MEI4: variants seen among roughly 807,000 people sequenced by gnomAD.
MEI4 encodes meiotic double-stranded break formation protein 4.
A neutral mutation model predicts 31.4 loss-of-function variants in MEI4; 27 were observed. The ratio of observed to expected loss-of-function variants is 0.86; its 90% confidence interval spans 0.63 to 1.19. The LOEUF is 1.19. MEI4 is among the 50% of genes most tolerant of loss of function. MEI4 has a pLI of 0.00. For missense variants in MEI4, 329 were observed against 398.9 expected (o/e 0.82, Z 1.49); for synonymous variants, 122 against 145.4 (o/e 0.84, Z 1.16).
Position 77,678,554 on chromosome 6 carries a change from A to ACAATGTTATAGCCCAGCACACTGCGTAC in MEI4, c.-14-12104_-14-12103insCAATGTTATAGCCCAGCACACTGCGTAC, listed in dbSNP as rs58196034. On this transcript the variant is annotated intron_variant, in intron 1 of 4. Coordinates refer to ENST00000684080, the MANE Select transcript of MEI4 (RefSeq NM_001322247.2). ...GTCTCCTGGTAACTTAGGAGCCATC[A>ACAATGTTATAGCCCAGCACACTGCGTAC]ATGTTTGTGGTGATGCTGGTGTAAA... Among the ~76,000 whole-genome samples, 3 of 152,052 alleles carry ACAATGTTATAGCCCAGCACACTGCGTAC rather than the reference A, an allele frequency of 2.0e-5. No individual in the cohort carries two copies. The East Asian group carries it at 5.8e-4, about 29-fold the overall frequency.
At chr6:77,834,317 TAAATC>T (rs1770155496) in intron 4 of MEI4, among the ~76,000 whole-genome samples, 1 of 150,404 alleles carries the variant, frequency 6.6e-6, no homozygotes, top group Non-Finnish European at 1.5e-5. Flanking sequence ...AAATTTATAA[TAAATC>T]AAAAATTAGT....
chr6:77,666,843 G>C (rs1371370281), intron 1 of MEI4, among the ~76,000 whole-genome samples: 1 of 148,276 alleles, frequency 6.7e-6, no homozygotes, highest in Non-Finnish European at 1.5e-5. Context: ...TGGAGTTAAT[G>C]TTTCTACATG....
At chr6:77,903,998 A>G (rs1305933776) in intron 4 of MEI4, among the ~76,000 whole-genome samples, 2 of 152,090 alleles carry the variant, frequency 1.3e-5, no homozygotes, top group African/African-American at 2.4e-5. Flanking sequence ...TATATTTTTT[A>G]TCCATTCAGC....
chr6:77,867,233 TTAAAC>T, intron 4 of MEI4, among the ~76,000 whole-genome samples: 1 of 152,262 alleles, frequency 6.6e-6, no homozygotes, highest in African/African-American at 2.4e-5. Context: ...TGGGATCTAA[TTAAAC>T]TAAAGAGCTT....
At chr6:77,844,102 AC>A (rs1327123437) in intron 4 of MEI4, among the ~76,000 whole-genome samples, 4 of 152,154 alleles carry the variant, frequency 2.6e-5, no homozygotes, top group Non-Finnish European at 4.4e-5. Flanking sequence ...CAAACAGATC[AC>A]ATCATAATCA....
At chr6:77,811,016 T>C (rs1769564151) in intron 3 of MEI4, among the ~76,000 whole-genome samples, 1 of 152,210 alleles carries the variant, frequency 6.6e-6, no homozygotes, top group South Asian at 2.1e-4. Context: ...GATTATTTAA[T>C]TAAAACTCAA....
chr6:77,795,015 T>C (rs908954304), intron 3 of MEI4, among the ~76,000 whole-genome samples: 10 of 152,044 alleles, frequency 6.6e-5, no homozygotes, highest in African/African-American at 2.4e-4. Context: ...AGCAAAAATA[T>C]ATTAAGATGA....
At chr6:77,920,924 A>G (rs1374903546) in intron 4 of MEI4, among the ~76,000 whole-genome samples, 1 of 151,916 alleles carries the variant, frequency 6.6e-6, no homozygotes, top group African/African-American at 2.4e-5. Context: ...TTATTGATAG[A>G]TTGCAGCCAG....
At chr6:77,883,735 T>TATACATATACATATATATATATAC (rs1771552866) in intron 4 of MEI4, among the ~76,000 whole-genome samples, 1 of 116,742 alleles carries the variant, frequency 8.6e-6, no homozygotes, top group African/African-American at 2.9e-5. Flanking sequence ...TATATATATA[T>TATACATATACATATATATATATAC]ATATATATAA....
intron 2 of MEI4, among the ~76,000 whole-genome samples, chr6:77,726,291 C>G (rs976043277): frequency 2.0e-5 from 3 of 151,118 alleles, no homozygotes; most frequent in African/African-American, 7.3e-5. Context: ...TAGTACATAA[C>G]AAAATGGAGT....
At chr6:77,690,603 A>G in intron 1 of MEI4, 55 bp from the exon 2 acceptor site, 1 of 786,894 alleles carries the variant, frequency 1.3e-6, no homozygotes, top group Non-Finnish European at 1.7e-6. Context: ...AGCAAATGAA[A>G]TGCACTGCAC....
chr6:77,679,271 C>A (rs1230807534), intron 1 of MEI4, among the ~76,000 whole-genome samples: 1 of 152,178 alleles, frequency 6.6e-6, no homozygotes, highest in Non-Finnish European at 1.5e-5. Flanking sequence ...TCACCCAGAA[C>A]AACTTCCAGA....
chr6:77,740,054 T>G (rs925880600), intron 2 of MEI4, among the ~76,000 whole-genome samples: 1 of 152,200 alleles, frequency 6.6e-6, no homozygotes, highest in African/African-American at 2.4e-5. Context: ...AATTGCATTA[T>G]TTACCCCAAA....
chr6:77,921,146 A>G (rs915271623), intron 4 of MEI4, among the ~76,000 whole-genome samples: 3 of 151,826 alleles, frequency 2.0e-5, no homozygotes, highest in Admixed American at 6.6e-5. Flanking sequence ...ACATTGAACA[A>G]CTGTTATTTA....
chr6:77,902,979 T>A (rs139258292), intron 4 of MEI4, among the ~76,000 whole-genome samples: 2 of 152,284 alleles, frequency 1.3e-5, no homozygotes, highest in African/African-American at 4.8e-5. Context: ...CTAAATTAAC[T>A]GAGACCTGTC....
chr6:77,669,370 T>C (rs1275950355), intron 1 of MEI4, among the ~76,000 whole-genome samples: 1 of 152,206 alleles, frequency 6.6e-6, no homozygotes, highest in Non-Finnish European at 1.5e-5. Flanking sequence ...GATTTTTCTT[T>C]CATAAGTTTT....
rs112988008 is a variant in MEI4 at position 77,713,019 on chromosome 6, G to A, written c.232+22116G>A. ...TTATTGATGGAGCATTAGGGTTGCCGAAGATGAATTCTTGGAGACACAGTG... is the reference window on the plus strand; with the variant it reads ...TTATTGATGGAGCATTAGGGTTGCCAAAGATGAATTCTTGGAGACACAGTG... On this transcript the variant is annotated intron_variant, in intron 2 of 4. Coordinates refer to ENST00000684080, the MANE Select transcript of MEI4 (RefSeq NM_001322247.2). Among the ~76,000 whole-genome samples, 284 of 151,596 alleles carry A rather than the reference G, an allele frequency of 1.9e-3. 2 individuals are homozygous for A. The highest frequency in any genetic ancestry group is 5.5e-3 in the African/African-American group (226 of 41,354).
chr6:77,715,891 T>A (rs1479686506), intron 2 of MEI4, among the ~76,000 whole-genome samples: 2 of 151,960 alleles, frequency 1.3e-5, no homozygotes, highest in African/African-American at 4.8e-5. Flanking sequence ...CCGGTTACAA[T>A]TTTTTTTTCT....
intron 2 of MEI4, among the ~76,000 whole-genome samples, chr6:77,693,184 G>A (rs1214312577): frequency 6.6e-6 from 1 of 152,000 alleles, no homozygotes; most frequent in Non-Finnish European, 1.5e-5. Context: ...ACAATTTACA[G>A]CCACATTTTA....
Sources: allele counts gnomAD v4.1 joint callset (sites outside exome capture counted in the v4.1 genomes callset), GRCh38; gene constraint gnomAD v4.1.1; transcripts MANE v1.5; gene names NCBI Gene and HGNC (gene_info 2026-07-23, HGNC 2026-07-21).